PPP1R12B: variants seen among roughly 807,000 people sequenced by gnomAD.
PPP1R12B encodes myosin phosphatase target subunit 2.
In PPP1R12B, 76 loss-of-function variants were observed where a neutral mutation model predicts 126.1. That is an observed-to-expected ratio of 0.60 (90% CI 0.50 to 0.73). The LOEUF (loss-of-function observed/expected upper bound fraction) is 0.73. Among genes scored for constraint, PPP1R12B ranks in the 30% least tolerant of loss-of-function variants. The pLI, the probability that PPP1R12B is intolerant of heterozygous loss-of-function variation, is 0.00. For missense variants in PPP1R12B, 1,052 were observed against 1,205.1 expected (o/e 0.87, Z 1.88); for synonymous variants, 356 against 434.7 (o/e 0.82, Z 2.25).
At chr1:202,398,049 T>TACAGGGAG (rs1665256883) in intron 1 of PPP1R12B, among the ~76,000 whole-genome samples, 1 of 152,230 alleles carries the variant, frequency 6.6e-6, no homozygotes, top group Non-Finnish European at 1.5e-5. Context: ...GTAGCTGGAC[T>TACAGGGAG]ACAGGTGTGC....
At chr1:202,374,268 C>A (rs1186482299) in intron 1 of PPP1R12B, among the ~76,000 whole-genome samples, 1 of 152,028 alleles carries the variant, frequency 6.6e-6, no homozygotes, top group Admixed American at 6.6e-5. Flanking sequence ...AGTCATTATG[C>A]CAGAAACCTA....
intron 23 of PPP1R12B, among the ~76,000 whole-genome samples, chr1:202,580,228 AG>A (rs1225935916): frequency 7.2e-5 from 11 of 152,250 alleles, no homozygotes; most frequent in African/African-American, 2.7e-4. Flanking sequence ...TGAAGAAATA[AG>A]ATATTACTGC....
intron 1 of PPP1R12B, among the ~76,000 whole-genome samples, chr1:202,406,429 T>C (rs1224864096): frequency 1.3e-5 from 2 of 152,248 alleles, no homozygotes; most frequent in African/African-American, 2.4e-5. Context: ...TGGAGTAGAC[T>C]AATATCAGTT....
In PPP1R12B at chr1:202,419,949, A is replaced by G. The variant is rs1178241584; in HGVS notation, c.423-2671A>G. On this transcript the variant is annotated intron_variant, in intron 2 of 23. Coordinates refer to ENST00000608999, the MANE Select transcript of PPP1R12B (RefSeq NM_002481.4). This position sits in a 1 kb window ranked among gnomAD's most constrained non-coding sequence, Gnocchi z 4.6. ...CACATTCCTGAATTCACATGTTGCC[A>G]GAGAAAAGGAGCAAGTAGGGGAATA... Among the ~76,000 whole-genome samples, 1 of 152,238 alleles carries G rather than the reference A, an allele frequency of 6.6e-6. No homozygotes were observed. The highest frequency in any genetic ancestry group is 2.4e-5 in the African/African-American group (1 of 41,460).
chr1:202,422,514 T>C, intron 2 of PPP1R12B, 106 bp from the exon 3 acceptor site: 1 of 980,352 alleles, frequency 1.0e-6, no homozygotes, highest in Admixed American at 2.2e-5. Context: ...TGAGACCATA[T>C]TTTAAACTCA....
chr1:202,395,336 C>T (rs971050636), intron 1 of PPP1R12B, among the ~76,000 whole-genome samples: 9 of 152,080 alleles, frequency 5.9e-5, no homozygotes, highest in Non-Finnish European at 1.0e-4. Context: ...TTGTCACTTC[C>T]TGAGCATTAT....
intron 18 of PPP1R12B, among the ~76,000 whole-genome samples, chr1:202,519,514 C>T (rs1373218895): frequency 2.0e-5 from 3 of 152,062 alleles, no homozygotes; most frequent in African/African-American, 4.8e-5. Flanking sequence ...TCAAGTGATC[C>T]GCCCACCTCT....
rs747114671 is a variant in PPP1R12B at position 202,416,941 on chromosome 1, GC to G, written c.422+25del. The G allele has an allele frequency of 4.5e-5, 72 of 1,601,894 alleles. No homozygotes were observed. In the East Asian group the frequency reaches 1.5e-3, roughly 34 times the overall value. ...GAGTGAGTGAGTCTCTGTGTGTGTG[GC>G]TTTGTAGTATTTGTAGGAATAGCCT... On this transcript the variant is annotated intron_variant, in intron 2 of 23. Transcript: ENST00000608999.
chr1:202,575,256 C>T (rs1046166122), intron 23 of PPP1R12B: 1 of 1,371,786 alleles, frequency 7.3e-7, no homozygotes, highest in South Asian at 1.5e-5. Flanking sequence ...TATGCAGGTT[C>T]CTGCAAAGCT....
intron 13 of PPP1R12B, among the ~76,000 whole-genome samples, chr1:202,467,399 A>G (rs1419958777): frequency 7.0e-6 from 1 of 142,708 alleles, no homozygotes. Context: ...AACAGGCCCC[A>G]GTGTGTGATG....
rs999435026 is a variant in PPP1R12B, at chr1:202,584,586, A to G, written c.*4026A>G. 5.9e-5 allele frequency: 9 copies of G among 152,234 alleles called. No homozygotes were observed. The highest frequency in any genetic ancestry group is 2.2e-4 in the African/African-American group (9 of 41,448). 9.4% of individuals were successfully genotyped at this position (152,234 alleles called of 1,614,324 possible). On this transcript the variant is annotated 3_prime_UTR_variant, in exon 24 of 24. Transcript: ENST00000608999. ...CAGCCTCTCCTAGCCACAGACAGACACTGTCTCCTCTCAGAGAAAGGCCAG... is the reference window on the plus strand; with the variant it reads ...CAGCCTCTCCTAGCCACAGACAGACGCTGTCTCCTCTCAGAGAAAGGCCAG...
intron 3 of PPP1R12B, among the ~76,000 whole-genome samples, chr1:202,423,055 C>T (rs1669018524): frequency 6.6e-6 from 1 of 152,140 alleles, no homozygotes; most frequent in African/African-American, 2.4e-5. Context: ...TATTGGGATA[C>T]AGTGTAAATT....
At chr1:202,468,550 C>T (rs1675369407) in intron 13 of PPP1R12B, among the ~76,000 whole-genome samples, 1 of 152,202 alleles carries the variant, frequency 6.6e-6, no homozygotes, top group Non-Finnish European at 1.5e-5. Context: ...CTCTCCAGAG[C>T]TATCTCTTTG....
At position 202,583,969 on chromosome 1, in the gene PPP1R12B, C is replaced by A. The variant is rs1261071500; in HGVS notation, c.*3409C>A. 1 of 152,160 alleles carries A rather than the reference C, an allele frequency of 6.6e-6. No individual in the cohort carries two copies. Among genetic ancestry groups the A allele is most frequent in the Non-Finnish European group, 1.5e-5 (1 of 68,030 alleles). The allele number at this position is 152,160 out of a possible 1,614,324, so 9.4% of individuals were successfully genotyped here. ...CTTTGGAAGTAATGATTTGGCCATT[C>A]CAGAGATTCTGGGGCTAAAGTTTGT... On this transcript the variant is annotated 3_prime_UTR_variant, in exon 24 of 24. Transcript: ENST00000608999.
At chr1:202,425,119 G>C (rs553702737) in intron 3 of PPP1R12B, among the ~76,000 whole-genome samples, 1 of 152,260 alleles carries the variant, frequency 6.6e-6, no homozygotes, top group Admixed American at 6.5e-5. Context: ...GTGTTTTGTG[G>C]CTTTGAGCAA....
intron 18 of PPP1R12B, among the ~76,000 whole-genome samples, chr1:202,533,908 C>T (rs1468154733): frequency 6.6e-6 from 1 of 152,110 alleles, no homozygotes; most frequent in Admixed American, 6.5e-5. Flanking sequence ...ATTGTGTAAA[C>T]TCCAGTTTCT....
chr1:202,478,640 A>G (rs1676979322), intron 13 of PPP1R12B, among the ~76,000 whole-genome samples: 1 of 152,124 alleles, frequency 6.6e-6, no homozygotes, highest in Admixed American at 6.5e-5. Context: ...TAGTTTGTAT[A>G]GTATATATTT....
chr1:202,574,129 T>C (rs1688873009), intron 23 of PPP1R12B, among the ~76,000 whole-genome samples: 1 of 148,946 alleles, frequency 6.7e-6, no homozygotes, highest in Admixed American at 6.8e-5. Context: ...CTTATTTTGG[T>C]ATGTGTAACT....
In PPP1R12B at chr1:202,422,645, G is replaced by A; in HGVS notation, c.448G>A (p.Val150Ile). 1.9e-6 allele frequency: 3 copies of A among 1,613,878 alleles called. No individual in the cohort carries two copies. The highest frequency in any genetic ancestry group is 1.3e-5 in the African/African-American group (1 of 75,054). Residue 150 changes from valine (V) to isoleucine (I), a missense_variant, in exon 3 of 24, where the codon GTA becomes ATA. Transcript: ENST00000608999. ...GTATTTCATTAATCACGGAGCCAGT[G>A]TAGGTATTGTCAATAGTGAAGGTGA... ...AEYFINHGAS[V>I]GIVNSEGEVP...
Sources: gnomAD v4.1 joint callset for allele counts (sites outside exome capture counted in the v4.1 genomes callset) on GRCh38, gnomAD v4.1.1 for gene constraint, Gnocchi (gnomAD v3.1) non-coding constraint, MANE v1.5 for transcripts, NCBI Gene and HGNC (gene_info 2026-07-23, HGNC 2026-07-21) for gene names.